Variants in EVC observed in about 807,000 individuals in gnomAD.
EVC encodes the protein evC complex member EVC.
In EVC, 116 loss-of-function variants were observed where a neutral mutation model predicts 118.9. The observed-to-expected ratio is 0.98, with a 90% CI of 0.84 to 1.14. The LOEUF (loss-of-function observed/expected upper bound fraction) is 1.14. EVC is among the 50% of genes most tolerant of loss of function. The pLI is 0.00. For synonymous variants in EVC, 619 were observed against 534.7 expected (o/e 1.16, Z -2.18); for missense variants, 1,401 against 1,246.4 (o/e 1.12, Z -1.87).
chr4:5,755,688 A>G lies in EVC; in HGVS notation c.1465-576A>G, dbSNP rs1254544009. 1.3e-5 allele frequency among the ~76,000 whole-genome samples: 2 copies of G among 151,712 alleles called. No individual in the cohort carries two copies. Among genetic ancestry groups the G allele is most frequent in the Non-Finnish European group, 2.9e-5 (2 of 67,904 alleles). On this transcript the variant is annotated intron_variant, in intron 10 of 20. Coordinates refer to ENST00000264956, the MANE Select transcript of EVC (RefSeq NM_153717.3). This position sits in a 1 kb window ranked among gnomAD's most constrained non-coding sequence, Gnocchi z 4.1. ...CCCCAACAGGGAATTTTCTCCTGCA[A>G]CCCTTCCCTGAGAAGGGTCTGTTCC...
chr4:5,800,387 A>C (rs1714755627), intron 15 of EVC, among the ~76,000 whole-genome samples: 1 of 152,182 alleles, frequency 6.6e-6, no homozygotes, highest in South Asian at 2.1e-4. Context: ...CATTGAGTTT[A>C]GTTTCTAGAA....
At chr4:5,724,447 C>T (rs1241979853) in intron 2 of EVC, among the ~76,000 whole-genome samples, 3 of 152,234 alleles carry the variant, frequency 2.0e-5, no homozygotes, top group Non-Finnish European at 4.4e-5. Context: ...CTTTAAACTT[C>T]ATGGCACTTA....
At chr4:5,772,318 A>G (rs1734111342) in intron 11 of EVC, among the ~76,000 whole-genome samples, 1 of 151,978 alleles carries the variant, frequency 6.6e-6, no homozygotes, top group Admixed American at 6.5e-5. Flanking sequence ...TTTCACAACC[A>G]TCTTACCTCC....
chr4:5,828,801 TA>T, the EVC span: 1 of 1,108,232 alleles, frequency 9.0e-7, no homozygotes, highest in Non-Finnish European at 1.3e-6. Flanking sequence ...AAATACCTTT[TA>T]TTGACTGTAA....
At chr4:5,770,208 T>G (rs1410736944) in intron 11 of EVC, among the ~76,000 whole-genome samples, 2 of 151,984 alleles carry the variant, frequency 1.3e-5, no homozygotes, top group African/African-American at 4.8e-5. Flanking sequence ...TGTCCAGAGT[T>G]TTTATTGGGC....
chr4:5,804,556 A>G (rs368827731), intron 16 of EVC, among the ~76,000 whole-genome samples, 174 bp from the exon 17 acceptor site: 73 of 152,288 alleles, frequency 4.8e-4, no homozygotes, highest in South Asian at 4.1e-3. Context: ...TGCCTGGTCC[A>G]TGATGGAAGC....
At position 5,797,343 on chromosome 4, in the gene EVC, A is replaced by C. The variant is rs76138881; in HGVS notation, c.2097+111A>C. 64,612 of 938,946 alleles carry C rather than the reference A, an allele frequency of 0.069. 2,822 individuals are homozygous for C. Among genetic ancestry groups the C allele is most frequent in the African/African-American group, 0.15 (9,400 of 61,474 alleles). 58.2% of individuals were successfully genotyped at this position (938,946 alleles called of 1,614,324 possible). ...CGAATCCTATCACCCTTGGTGCTGC[A>C]GGGTGCGGTATTCATTCGCCGGGGC... is the stretch of plus-strand genomic sequence containing the variant. On this transcript the variant is annotated intron_variant, in intron 14 of 20. Transcript: ENST00000264956.
rs60082311 is a variant in EVC, at chr4:5,808,197, C to T, written c.2562-4C>T. 1.4e-5 allele frequency: 21 copies of T among 1,554,030 alleles called. No individual in the cohort carries two copies. Among genetic ancestry groups the T allele is most frequent in the African/African-American group, 1.7e-5 (1 of 60,500 alleles). On this transcript the variant is annotated splice_polypyrimidine_tract_variant and splice_region_variant and intron_variant, in intron 17 of 20. Transcript: ENST00000264956. ...TGCCAGCCTGCCTGCCTTCCTCCCC[C>T]CAGGATGCTGTCCCAGCAGAAGAGG...
At chr4:5,826,097 C>G in the EVC span, 1 of 234,792 alleles carries the variant, frequency 4.3e-6, no homozygotes, top group African/African-American at 2.4e-5. Context: ...CACACTCATA[C>G]AGGTATACAC....
At position 5,745,236 on chromosome 4, in the gene EVC, CAAA is replaced by C. The variant is rs761463883; in HGVS notation, c.835_837del (p.Lys279del). 3 of 1,613,834 alleles carry C rather than the reference CAAA, an allele frequency of 1.9e-6. No individual in the cohort carries two copies. The East Asian group carries it at 6.7e-5, about 36-fold the overall frequency. On this transcript the variant is annotated inframe_deletion, in exon 7 of 21. Coordinates refer to ENST00000264956, the MANE Select transcript of EVC (RefSeq NM_153717.3). ...AGGAACTAGAAAAGGGACTTCAGGT[CAAA>C]CTGTCAAACACAGAAATGTCGGGGG... is the stretch of plus-strand genomic sequence containing the variant.
chr4:5,744,939 T>C (rs2152025063), intron 6 of EVC, among the ~76,000 whole-genome samples: 1 of 151,666 alleles, frequency 6.6e-6, no homozygotes, highest in Admixed American at 6.6e-5. Flanking sequence ...TGAAAGATAC[T>C]ATTTTATTGA....
At chr4:5,741,449 C>G (rs1466615997) in intron 5 of EVC, among the ~76,000 whole-genome samples, 2 of 152,168 alleles carry the variant, frequency 1.3e-5, no homozygotes, top group Non-Finnish European at 2.9e-5. Flanking sequence ...AGAGTAAGCA[C>G]TCAATATTTG....
At chr4:5,766,204 T>G (rs935857614) in intron 11 of EVC, among the ~76,000 whole-genome samples, 3 of 151,562 alleles carry the variant, frequency 2.0e-5, no homozygotes, top group Non-Finnish European at 4.4e-5. Flanking sequence ...TTGAAAATTC[T>G]TTTCTTTAAG....
intron 20 of EVC, 45 bp from the exon 21 acceptor site, chr4:5,810,908 A>G (rs769583152): frequency 1.3e-6 from 2 of 1,534,494 alleles, no homozygotes; most frequent in South Asian, 2.3e-5. Context: ...CATGATGGGC[A>G]TGGAGTCAGC....
intron 18 of EVC, 82 bp from the exon 19 acceptor site, chr4:5,809,436 G>C (rs1209474969): frequency 8.0e-7 from 1 of 1,253,044 alleles, no homozygotes; most frequent in Non-Finnish European, 1.2e-6. Context: ...AGCCTCAAGT[G>C]TCAGAATTCA....
At position 5,812,659 on chromosome 4, in the gene EVC, T is replaced by G. The variant is rs1717107554; in HGVS notation, c.*1622T>G. On this transcript the variant is annotated 3_prime_UTR_variant, in exon 21 of 21. Coordinates refer to ENST00000264956, the MANE Select transcript of EVC (RefSeq NM_153717.3). Reference sequence around the variant, plus strand: ...CCCACCTGGAGGGAAAATTGCTCCTTTGATGGAGGTTAGGGACTGTCACCC... The same window carrying G: ...CCCACCTGGAGGGAAAATTGCTCCTGTGATGGAGGTTAGGGACTGTCACCC... 1 of 167,838 alleles carries G rather than the reference T, an allele frequency of 6.0e-6. No homozygotes were observed. Among genetic ancestry groups the G allele is most frequent in the Non-Finnish European group, 1.3e-5 (1 of 79,094 alleles). The allele number at this position is 167,838 out of a possible 1,614,324, so 10.4% of individuals were successfully genotyped here. A position where few individuals can be genotyped will look rare whatever the true frequency, so the allele number is the denominator to read the frequency against.
intron 1 of EVC, among the ~76,000 whole-genome samples, chr4:5,712,694 A>C (rs1057506800): frequency 1.3e-5 from 2 of 152,168 alleles, no homozygotes; most frequent in Non-Finnish European, 2.9e-5. Flanking sequence ...CATGGGGAGC[A>C]TTACACCGCA....
intron 11 of EVC, among the ~76,000 whole-genome samples, chr4:5,758,899 G>A (rs1185052789): frequency 1.3e-5 from 2 of 152,236 alleles, no homozygotes; most frequent in East Asian, 3.8e-4. Context: ...TTATTGCAAA[G>A]GAGAAAGAAT....
chr4:5,718,650 C>T (rs529273934), intron 1 of EVC, among the ~76,000 whole-genome samples: 3 of 152,294 alleles, frequency 2.0e-5, no homozygotes, highest in Admixed American at 1.3e-4. Flanking sequence ...TGTTCATGCT[C>T]TGCATGTATT....
Sources: allele counts gnomAD v4.1 joint callset (sites outside exome capture counted in the v4.1 genomes callset), GRCh38; gene constraint gnomAD v4.1.1; non-coding constraint Gnocchi (gnomAD v3.1); transcripts MANE v1.5; gene names NCBI Gene and HGNC (gene_info 2026-07-23, HGNC 2026-07-21).